Variants in RPTOR observed in about 807,000 individuals in gnomAD.
The protein encoded by RPTOR is regulatory-associated protein of mTOR.
Under a neutral mutation model 169.9 loss-of-function variants are expected in RPTOR, and 21 were observed. That is an observed-to-expected ratio of 0.12 (90% CI 0.09 to 0.18). The LOEUF is 0.18. Among genes scored for constraint, RPTOR ranks in the 10% least tolerant of loss-of-function variants. The pLI is 1.00. For synonymous variants in RPTOR, 732 were observed against 753.2 expected, an observed-to-expected ratio of 0.97 and a Z score of 0.46; for missense variants, 1,133 against 1,855.9, an observed-to-expected ratio of 0.61 and a Z score of 7.16.
intron 1 of RPTOR, among the ~76,000 whole-genome samples, chr17:80,551,015 G>A (rs565713702): frequency 1.2e-3 from 188 of 152,274 alleles, no homozygotes; most frequent in Non-Finnish European, 2.3e-3. Context: ...AGTCTCCCGA[G>A]TAGCTGGGAC....
intron 1 of RPTOR, among the ~76,000 whole-genome samples, chr17:80,586,570 C>T (rs1312556887): frequency 6.6e-6 from 1 of 152,228 alleles, no homozygotes; most frequent in African/African-American, 2.4e-5. Flanking sequence ...GCCTGTGTCG[C>T]TCTGGCTGGG....
intron 6 of RPTOR, among the ~76,000 whole-genome samples, chr17:80,775,056 A>G (rs368480646): frequency 2.0e-5 from 3 of 152,066 alleles, no homozygotes; most frequent in African/African-American, 7.2e-5. Flanking sequence ...TCATGGTGTA[A>G]GTCTGGCCCC....
rs537007376 is a variant in RPTOR, at chr17:80,903,941, G to A, written c.2402-4870G>A. ...GTTACTCTTGTCAGAAGACGGTGGT[G>A]AGAAAATGAACAACAGTTTTCCAAT... On this transcript the variant is annotated intron_variant, in intron 20 of 33. Coordinates refer to ENST00000306801, the MANE Select transcript of RPTOR (RefSeq NM_020761.3). 2.0e-5 allele frequency among the ~76,000 whole-genome samples: 3 copies of A among 152,364 alleles called. No individual in the cohort carries two copies. The South Asian group carries it at 6.2e-4, about 32-fold the overall frequency.
intron 4 of RPTOR, among the ~76,000 whole-genome samples, chr17:80,719,798 G>A (rs956804388): frequency 6.6e-5 from 10 of 152,208 alleles, no homozygotes; most frequent in African/African-American, 2.4e-4. Flanking sequence ...CGTAAAATCC[G>A]TAAGGCTGCA....
In RPTOR at chr17:80,583,020, A is replaced by G. The variant is rs529486558; in HGVS notation, c.162+37229A>G. Among the ~76,000 whole-genome samples, 127 of 150,770 alleles carry G rather than the reference A, an allele frequency of 8.4e-4. 1 individual carries two copies. The highest frequency in any genetic ancestry group is 1.5e-3 in the South Asian group (7 of 4,754). On this transcript the variant is annotated intron_variant, in intron 1 of 33. Transcript: ENST00000306801. Reference sequence around the variant, plus strand: ...AACTTTCACCTCCCAGGTTCAAGCAATCCTCTCACTTCAGCCTCCTGAGTA... The same window carrying G: ...AACTTTCACCTCCCAGGTTCAAGCAGTCCTCTCACTTCAGCCTCCTGAGTA...
intron 3 of RPTOR, among the ~76,000 whole-genome samples, chr17:80,700,177 G>T (rs1166641435): frequency 6.6e-6 from 1 of 152,226 alleles, no homozygotes; most frequent in Non-Finnish European, 1.5e-5. Flanking sequence ...GACTCTCAGA[G>T]ATTATGTCTA....
intron 2 of RPTOR, among the ~76,000 whole-genome samples, chr17:80,636,259 C>T (rs1389479090): frequency 6.6e-6 from 1 of 152,032 alleles, no homozygotes; most frequent in Non-Finnish European, 1.5e-5. Context: ...CAACTCTAGT[C>T]CCTACTTCTA....
At chr17:80,737,803 T>TCCCCCCC (rs1567883256) in intron 5 of RPTOR, among the ~76,000 whole-genome samples, 28 of 137,074 alleles carry the variant, frequency 2.0e-4, no homozygotes, top group African/African-American at 8.1e-4. Context: ...TCTCTTTTTC[T>TCCCCCCC]CCCCCGCCCC....
At chr17:80,915,112 G>A (rs2068657328) in intron 21 of RPTOR, among the ~76,000 whole-genome samples, 1 of 151,934 alleles carries the variant, frequency 6.6e-6, no homozygotes, top group Non-Finnish European at 1.5e-5. Flanking sequence ...CAGACGTTGG[G>A]AAAACCAGCT....
chr17:80,772,105 C>A (rs750567141), intron 6 of RPTOR, among the ~76,000 whole-genome samples: 3 of 152,190 alleles, frequency 2.0e-5, no homozygotes, highest in Non-Finnish European at 4.4e-5. Context: ...ACAGGCCTGA[C>A]ACTAATTTCT....
intron 21 of RPTOR, among the ~76,000 whole-genome samples, chr17:80,909,285 T>TGCC (rs1181774889): frequency 2.0e-5 from 3 of 152,174 alleles, no homozygotes; most frequent in Non-Finnish European, 4.4e-5. Context: ...CTCCCTGTGT[T>TGCC]GCCCAGGCTG....
At chr17:80,952,678 C>T (rs986287372) in intron 28 of RPTOR, among the ~76,000 whole-genome samples, 1 of 152,060 alleles carries the variant, frequency 6.6e-6, no homozygotes, top group African/African-American at 2.4e-5. Flanking sequence ...TTGTTCTGCT[C>T]GTGTCACTGC....
chr17:80,569,564 AG>A lies in RPTOR; in HGVS notation c.162+23774del, dbSNP rs2064881205. 2.0e-5 allele frequency among the ~76,000 whole-genome samples: 3 copies of A among 152,146 alleles called. No homozygotes were observed. The South Asian group carries it at 6.2e-4, about 32-fold the overall frequency. ...ATGAATGAATGAATAAATAAATAAA[AG>A]CAGGTCTAGGTCAGGATTGGAAAAC... On this transcript the variant is annotated intron_variant, in intron 1 of 33. Coordinates refer to ENST00000306801, the MANE Select transcript of RPTOR (RefSeq NM_020761.3).
Position 80,959,039 on chromosome 17 carries a change from G to A in RPTOR, c.3478-1039G>A, listed in dbSNP as rs1347446223. 6.6e-6 allele frequency among the ~76,000 whole-genome samples: 1 copy of A among 152,240 alleles called. No homozygotes were observed. The highest frequency in any genetic ancestry group is 1.5e-5 in the Non-Finnish European group (1 of 68,042). On this transcript the variant is annotated intron_variant, in intron 29 of 33. Coordinates refer to ENST00000306801, the MANE Select transcript of RPTOR (RefSeq NM_020761.3). The surrounding 1 kb of genome is among the most constrained non-coding windows in gnomAD (Gnocchi z 6.7). ...GCTCAGCCCTGCTGCCGTAGAGGGC[G>A]GTGTGGAGCAGGCCCAGCAGAGGGG...
At chr17:80,900,854 G>T (rs1485511668) in intron 20 of RPTOR, among the ~76,000 whole-genome samples, 1 of 152,276 alleles carries the variant, frequency 6.6e-6, no homozygotes, top group Non-Finnish European at 1.5e-5. Context: ...GGAAGCTCAA[G>T]CCAGGCAGTG....
intron 12 of RPTOR, among the ~76,000 whole-genome samples, chr17:80,857,357 C>T (rs1395858001): frequency 2.6e-5 from 4 of 152,174 alleles, no homozygotes; most frequent in East Asian, 1.9e-4. Context: ...GAGAGGTGGC[C>T]GTGGTGTCAC....
intron 5 of RPTOR, among the ~76,000 whole-genome samples, chr17:80,735,295 T>C (rs1447272503): frequency 6.6e-6 from 1 of 152,198 alleles, no homozygotes; most frequent in Non-Finnish European, 1.5e-5. Flanking sequence ...GCCCTGTTAC[T>C]CCTTGCAGTG....
In RPTOR at chr17:80,711,744, C is replaced by CTT. The variant is rs1226456124; in HGVS notation, c.507+3760_507+3761dup. ...AGTTAACATATAGTTATACATCAGT[C>CTT]TTTTTTTTTTTTTTTTGAGGTTAAG... On this transcript the variant is annotated intron_variant, in intron 4 of 33. Coordinates refer to ENST00000306801, the MANE Select transcript of RPTOR (RefSeq NM_020761.3). Among the ~76,000 whole-genome samples the CTT allele has an allele frequency of 5.3e-4, 47 of 88,832 alleles. 9 individuals are homozygous for CTT. Among genetic ancestry groups the CTT allele is most frequent in the African/African-American group, 1.3e-3 (21 of 15,652 alleles). 58.3% of individuals were successfully genotyped at this position (88,832 alleles called of 152,430 possible).
At chr17:80,607,484 C>G (rs570116101) in intron 1 of RPTOR, among the ~76,000 whole-genome samples, 3 of 152,042 alleles carry the variant, frequency 2.0e-5, no homozygotes, top group African/African-American at 7.2e-5. Flanking sequence ...GCTTTCTAAT[C>G]TAGCCACTAA....
Sources: gnomAD v4.1 joint callset for allele counts (sites outside exome capture counted in the v4.1 genomes callset) on GRCh38, gnomAD v4.1.1 for gene constraint, Gnocchi (gnomAD v3.1) non-coding constraint, MANE v1.5 for transcripts, NCBI Gene and HGNC (gene_info 2026-07-23, HGNC 2026-07-21) for gene names.